The following DLGAP1 variants were observed in gnomAD, a reference collection of about 807,000 sequenced individuals.
The protein encoded by DLGAP1 is DLG associated protein 1.
DLGAP1 carries 11 observed loss-of-function variants against 90.8 expected under a neutral mutation model. That is an observed-to-expected ratio of 0.12 (90% confidence interval 0.08 to 0.20). The LOEUF (loss-of-function observed/expected upper bound fraction) is 0.20. Ranked by LOEUF, DLGAP1 falls within the 10% of genes least tolerant of loss-of-function variation. The pLI is 1.00. For synonymous variants in DLGAP1, 558 were observed against 540.7 expected (o/e 1.03, Z -0.44); for missense variants, 1,050 against 1,333.8 (o/e 0.79, Z 3.31).
chr18:3,942,613 G>A (rs1221396015), intron 3 of DLGAP1, among the ~76,000 whole-genome samples: 2 of 152,156 alleles, frequency 1.3e-5, no homozygotes, highest in African/African-American at 2.4e-5. Context: ...AAATAGAATG[G>A]AAAAAACTGA....
At chr18:4,029,666 T>TTTACTAA (rs1478156813) in intron 2 of DLGAP1, among the ~76,000 whole-genome samples, 3 of 152,164 alleles carry the variant, frequency 2.0e-5, no homozygotes, top group African/African-American at 7.2e-5. Flanking sequence ...AATGCCTACG[T>TTTACTAA]TTCCTAATTC....
At chr18:3,537,272 CT>C (rs2144559233) in intron 9 of DLGAP1, among the ~76,000 whole-genome samples, 1 of 152,344 alleles carries the variant, frequency 6.6e-6, no homozygotes, top group South Asian at 2.1e-4. Flanking sequence ...CCTCCTCCCC[CT>C]GGCCCCAGGC....
Position 4,213,735 on chromosome 18 carries a change from G to A in DLGAP1, c.-266-62448C>T, listed in dbSNP as rs547079774. Among the ~76,000 whole-genome samples the A allele has an allele frequency of 2.6e-5, 4 of 152,292 alleles. No homozygotes were observed. The South Asian group carries it at 8.3e-4, about 32-fold the overall frequency. On this transcript the variant is annotated intron_variant, in intron 1 of 12. Coordinates refer to ENST00000315677, the MANE Select transcript of DLGAP1 (RefSeq NM_004746.4). ...ATGGGGACCTCCCCCATATCTCAAG[G>A]AAAGTTTTCTGAGAGTAATAAGACA...
chr18:3,884,371 A>G (rs1235353627), intron 3 of DLGAP1, among the ~76,000 whole-genome samples: 1 of 152,234 alleles, frequency 6.6e-6, no homozygotes, highest in Non-Finnish European at 1.5e-5. Flanking sequence ...TAGAATCTCA[A>G]TATATAAAAT....
At chr18:3,761,815 C>T (rs780583011) in intron 5 of DLGAP1, among the ~76,000 whole-genome samples, 1 of 152,196 alleles carries the variant, frequency 6.6e-6, no homozygotes, top group Non-Finnish European at 1.5e-5. Context: ...ACCCTGTGAT[C>T]TGCCAGCCTC....
At chr18:4,310,379 A>C (rs2080369673) in intron 1 of DLGAP1, among the ~76,000 whole-genome samples, 1 of 152,174 alleles carries the variant, frequency 6.6e-6, no homozygotes, top group Admixed American at 6.5e-5. Flanking sequence ...TGCTTTGAAA[A>C]AGTTAAACAT....
At chr18:4,211,029 AC>A (rs1258892303) in intron 1 of DLGAP1, among the ~76,000 whole-genome samples, 1 of 152,228 alleles carries the variant, frequency 6.6e-6, no homozygotes, top group Admixed American at 6.5e-5. Context: ...TTCAAAGAGA[AC>A]AATGTAGCTT....
intron 1 of DLGAP1, among the ~76,000 whole-genome samples, chr18:4,189,183 G>A (rs1377352267): frequency 6.6e-6 from 1 of 152,028 alleles, no homozygotes; most frequent in African/African-American, 2.4e-5. Flanking sequence ...TGTTACCAAT[G>A]AGTATGTATT....
At chr18:4,056,431 C>G (rs2075218080) in intron 2 of DLGAP1, among the ~76,000 whole-genome samples, 1 of 152,216 alleles carries the variant, frequency 6.6e-6, no homozygotes, top group African/African-American at 2.4e-5. Context: ...TGGCCAGAAA[C>G]TAGCCCTCAG....
chr18:4,093,498 G>T (rs1372762581), intron 2 of DLGAP1, among the ~76,000 whole-genome samples: 4 of 151,862 alleles, frequency 2.6e-5, no homozygotes, highest in Non-Finnish European at 2.9e-5. Flanking sequence ...CTGAAAGGAA[G>T]AATTCCTCAT....
chr18:4,442,238 T>A (rs1436228880), intron 1 of DLGAP1, among the ~76,000 whole-genome samples: 2 of 152,160 alleles, frequency 1.3e-5, no homozygotes, highest in Admixed American at 1.3e-4. Flanking sequence ...GACTTCATGA[T>A]CCGCCCACCT....
intron 4 of DLGAP1, among the ~76,000 whole-genome samples, chr18:3,862,162 T>C (rs576917060): frequency 3.2e-4 from 49 of 152,274 alleles, no homozygotes; most frequent in African/African-American, 1.2e-3. Flanking sequence ...GCCAAAGGCA[T>C]AAGCAATGTG....
intron 1 of DLGAP1, among the ~76,000 whole-genome samples, chr18:4,300,485 C>T (rs9959947): frequency 0.22 from 32,765 of 151,972 alleles, 3,628 homozygotes; most frequent in African/African-American, 0.25. Context: ...CACAATTACA[C>T]GCCTCTTTTG....
chr18:4,035,922 G>A (rs934697562), intron 2 of DLGAP1, among the ~76,000 whole-genome samples: 1 of 151,896 alleles, frequency 6.6e-6, no homozygotes, highest in African/African-American at 2.4e-5. Context: ...CAATATTTAC[G>A]ATTTATGTCT....
Position 3,499,075 on chromosome 18 carries a change from T to A in DLGAP1, c.*110A>T. The A allele has an allele frequency of 9.9e-7, 1 of 1,011,092 alleles. No individual in the cohort carries two copies. The highest frequency in any genetic ancestry group is 1.4e-6 in the Non-Finnish European group (1 of 727,932). 62.6% of individuals were successfully genotyped at this position (1,011,092 alleles called of 1,614,324 possible). A position where few individuals can be genotyped will look rare whatever the true frequency, so the allele number is the denominator to read the frequency against. ...GACAACTACACCGCGACAGTGGAAG[T>A]CACCGAGCTCGGGAGCGGACGGGCT... On this transcript the variant is annotated 3_prime_UTR_variant, in exon 13 of 13. Coordinates refer to ENST00000315677, the MANE Select transcript of DLGAP1 (RefSeq NM_004746.4). The surrounding 1 kb of genome is among the most constrained non-coding windows in gnomAD (Gnocchi z 6.4).
At chr18:3,666,153 T>C (rs1440519846) in intron 7 of DLGAP1, among the ~76,000 whole-genome samples, 4 of 152,140 alleles carry the variant, frequency 2.6e-5, no homozygotes, top group Admixed American at 1.3e-4. Flanking sequence ...GTTAGAATAA[T>C]CCTTCCTACG....
At chr18:4,180,736 A>G (rs1185580088) in intron 1 of DLGAP1, among the ~76,000 whole-genome samples, 1 of 152,076 alleles carries the variant, frequency 6.6e-6, no homozygotes, top group Non-Finnish European at 1.5e-5. Flanking sequence ...AATATTCTTT[A>G]GATGGGGAAG....
intron 1 of DLGAP1, among the ~76,000 whole-genome samples, chr18:4,341,935 T>C (rs1177486010): frequency 6.6e-6 from 1 of 151,992 alleles, no homozygotes; most frequent in Non-Finnish European, 1.5e-5. Context: ...TCTCTCTCTC[T>C]GCATCTCTTG....
At chr18:4,274,157 C>G (rs1374303780) in intron 1 of DLGAP1, among the ~76,000 whole-genome samples, 1 of 151,638 alleles carries the variant, frequency 6.6e-6, no homozygotes, top group African/African-American at 2.4e-5. Flanking sequence ...ACGGTTATAA[C>G]TTTCCCTCTA....
Sources: gnomAD v4.1 joint callset for allele counts (sites outside exome capture counted in the v4.1 genomes callset) on GRCh38, gnomAD v4.1.1 for gene constraint, Gnocchi (gnomAD v3.1) non-coding constraint, MANE v1.5 for transcripts, NCBI Gene and HGNC (gene_info 2026-07-23, HGNC 2026-07-21) for gene names.